Variants in CDC42BPB observed in about 807,000 individuals in gnomAD.
CDC42BPB encodes serine/threonine-protein kinase MRCK beta.
CDC42BPB carries 37 observed loss-of-function variants against 214.9 expected under a neutral mutation model. The ratio of observed to expected loss-of-function variants is 0.17; its 90% confidence interval spans 0.13 to 0.23. The LOEUF is 0.23. Among genes scored for constraint, CDC42BPB ranks in the 10% least tolerant of loss-of-function variants. The probability of loss-of-function intolerance (pLI) is 1.00; values close to 1 mark genes in which losing one functional copy is unlikely to be tolerated. For missense variants in CDC42BPB, 1,694 were observed against 2,227.0 expected, an observed-to-expected ratio of 0.76 and a Z score of 4.82; for synonymous variants, 931 against 884.0, an observed-to-expected ratio of 1.05 and a Z score of -0.94.
chr14:102,962,426 C>T (rs1406900411), intron 20 of CDC42BPB, among the ~76,000 whole-genome samples: 3 of 152,378 alleles, frequency 2.0e-5, no homozygotes, highest in South Asian at 2.1e-4. Context: ...GGCCAGCCCA[C>T]GGCAGCGCAC....
At chr14:103,035,618 A>AT (rs1887619296) in intron 1 of CDC42BPB, among the ~76,000 whole-genome samples, 1 of 152,026 alleles carries the variant, frequency 6.6e-6, no homozygotes. Context: ...AGGTGGGTGG[A>AT]TCACGAGGTC....
chr14:103,053,177 G>A (rs765431129), intron 1 of CDC42BPB, among the ~76,000 whole-genome samples: 11 of 151,604 alleles, frequency 7.3e-5, no homozygotes, highest in Non-Finnish European at 1.5e-4. Context: ...GTGAAACCCC[G>A]TCTTTACTAA....
At chr14:103,021,707 T>A (rs1372942498) in intron 1 of CDC42BPB, among the ~76,000 whole-genome samples, 1 of 148,238 alleles carries the variant, frequency 6.7e-6, no homozygotes, top group East Asian at 1.9e-4. Flanking sequence ...AACATTCAGA[T>A]GCAAAAGACA....
chr14:103,006,769 C>T (rs527339611), intron 3 of CDC42BPB, among the ~76,000 whole-genome samples: 96 of 152,278 alleles, frequency 6.3e-4, no homozygotes, highest in African/African-American at 2.1e-3. Flanking sequence ...ATAATCACCG[C>T]GACTGGCAAA....
At chr14:102,968,092 C>T (rs1454758110) in intron 16 of CDC42BPB, among the ~76,000 whole-genome samples, 161 bp downstream of exon 16, 9 of 150,378 alleles carry the variant, frequency 6.0e-5, no homozygotes, top group Non-Finnish European at 1.5e-5. Context: ...GAGACTCCAT[C>T]TCAAAAAAAA....
In CDC42BPB at chr14:102,944,479, G is replaced by A. The variant is rs1202945188; in HGVS notation, c.3820C>T (p.Arg1274Cys). 6.2e-7 allele frequency: 1 copy of A among 1,609,874 alleles called. No individual in the cohort carries two copies. The highest frequency in any genetic ancestry group is 8.5e-7 in the Non-Finnish European group (1 of 1,177,778). Residue 1274 changes from arginine to cysteine, a missense_variant, in exon 30 of 37, where the codon CGT (arginine) becomes TGT (cysteine). Coordinates refer to ENST00000361246, the MANE Select transcript of CDC42BPB (RefSeq NM_006035.4). The surrounding 1 kb of genome is among the most constrained non-coding windows in gnomAD (Gnocchi z 6.6). ...VIEVTRDVIVRAADCKKVHQI... is the reference protein window; with the variant it reads ...VIEVTRDVIVCAADCKKVHQI... Reference sequence around the variant, plus strand: ...TGTACCTTCTTACAGTCAGCGGCACGGACGATCACTGTGGCAAGGAGGACA... The same window carrying A: ...TGTACCTTCTTACAGTCAGCGGCACAGACGATCACTGTGGCAAGGAGGACA...
At chr14:103,021,803 G>T (rs923770709) in intron 1 of CDC42BPB, among the ~76,000 whole-genome samples, 1 of 152,196 alleles carries the variant, frequency 6.6e-6, no homozygotes, top group Non-Finnish European at 1.5e-5. Context: ...TACAGGCGGG[G>T]ATCATGTGGT....
chr14:102,962,588 A>T (rs946520084), intron 20 of CDC42BPB, among the ~76,000 whole-genome samples: 2 of 152,194 alleles, frequency 1.3e-5, no homozygotes, highest in African/African-American at 4.8e-5. Flanking sequence ...GGTGGCTCAC[A>T]CCTGTAATTC....
chr14:103,007,298 C>A (rs1387322151), intron 3 of CDC42BPB, among the ~76,000 whole-genome samples: 1 of 152,006 alleles, frequency 6.6e-6, no homozygotes, highest in African/African-American at 2.4e-5. Flanking sequence ...GGGTGCAGAG[C>A]GGGGGAGGGA....
intron 3 of CDC42BPB, among the ~76,000 whole-genome samples, chr14:103,006,347 G>A (rs538232416): frequency 6.6e-6 from 1 of 152,268 alleles, no homozygotes; most frequent in Non-Finnish European, 1.5e-5. Flanking sequence ...CGGCACCTGT[G>A]CCAACGCCTC....
intron 1 of CDC42BPB, among the ~76,000 whole-genome samples, chr14:103,055,715 C>T (rs1266452038): frequency 1.3e-5 from 2 of 152,232 alleles, no homozygotes; most frequent in Non-Finnish European, 2.9e-5. Flanking sequence ...CAGAAGCCCT[C>T]TAAAGAATAT....
intron 1 of CDC42BPB, among the ~76,000 whole-genome samples, chr14:103,018,488 T>C (rs751837): frequency 0.22 from 33,044 of 152,064 alleles, 5,900 homozygotes; most frequent in African/African-American, 0.49. Flanking sequence ...GGCTTAGAAA[T>C]GAATGGGACA....
At chr14:102,999,502 C>G in intron 5 of CDC42BPB, 63 bp downstream of exon 5, 1 of 1,556,414 alleles carries the variant, frequency 6.4e-7, no homozygotes, top group South Asian at 1.1e-5. Context: ...GACTTGGGAG[C>G]TCTGAAAGGA....
intron 5 of CDC42BPB, among the ~76,000 whole-genome samples, chr14:102,988,780 G>A (rs1279708646): frequency 2.7e-5 from 4 of 147,032 alleles, no homozygotes; most frequent in Non-Finnish European, 5.9e-5. Context: ...GAATAAACCT[G>A]AAATGGACCC....
intron 5 of CDC42BPB, among the ~76,000 whole-genome samples, chr14:102,989,536 T>C (rs910741945): frequency 6.6e-6 from 1 of 152,186 alleles, no homozygotes; most frequent in Non-Finnish European, 1.5e-5. Context: ...TAAACTATGG[T>C]AGTTACCTAT....
chr14:102,962,294 C>T (rs905439480), intron 20 of CDC42BPB, among the ~76,000 whole-genome samples: 1 of 152,192 alleles, frequency 6.6e-6, no homozygotes, highest in African/African-American at 2.4e-5. Context: ...CCTGGCAATC[C>T]CACTTCTAGA....
intron 1 of CDC42BPB, among the ~76,000 whole-genome samples, chr14:103,054,483 A>G (rs1888829996): frequency 6.6e-6 from 1 of 152,196 alleles, no homozygotes; most frequent in Non-Finnish European, 1.5e-5. Flanking sequence ...TAGAGTACCT[A>G]ATATTGCTCT....
At chr14:102,947,389 C>A (rs987132439) in intron 27 of CDC42BPB, among the ~76,000 whole-genome samples, 14 of 152,224 alleles carry the variant, frequency 9.2e-5, no homozygotes, top group African/African-American at 3.4e-4. Flanking sequence ...CACCTTCATG[C>A]CTAACCTGCC....
chr14:102,970,778 T>C (rs1210987533), intron 13 of CDC42BPB, among the ~76,000 whole-genome samples: 1 of 152,204 alleles, frequency 6.6e-6, no homozygotes, highest in Non-Finnish European at 1.5e-5. Context: ...ATTAGGGGTA[T>C]CACTAACTTC....
Sources: gnomAD v4.1 joint callset for allele counts (sites outside exome capture counted in the v4.1 genomes callset) on GRCh38, gnomAD v4.1.1 for gene constraint, Gnocchi (gnomAD v3.1) non-coding constraint, MANE v1.5 for transcripts, NCBI Gene and HGNC (gene_info 2026-07-23, HGNC 2026-07-21) for gene names.